NREP: variants seen among roughly 807,000 people sequenced by gnomAD.
NREP encodes the protein neuronal regeneration-related protein.
In NREP, 5 loss-of-function variants were observed where a neutral mutation model predicts 8.6. That is an observed-to-expected ratio of 0.58 (90% CI 0.30 to 1.22). The LOEUF (loss-of-function observed/expected upper bound fraction) is 1.22, where lower values mean the gene tolerates loss of function less well. NREP is among the 50% of genes most tolerant of loss of function. The pLI is 0.07. For synonymous variants in NREP, 27 were observed against 28.0 expected, an observed-to-expected ratio of 0.96 and a Z score of 0.11; for missense variants, 86 against 82.5, an observed-to-expected ratio of 1.04 and a Z score of -0.17.
intron 2 of NREP, among the ~76,000 whole-genome samples, chr5:111,888,570 C>T (rs978833457): frequency 1.3e-5 from 2 of 152,148 alleles, no homozygotes; most frequent in African/African-American, 2.4e-5. Context: ...GTGGGGATTA[C>T]GGAGATTACA....
intron 2 of NREP, among the ~76,000 whole-genome samples, chr5:111,911,088 A>T (rs562112663): frequency 2.0e-5 from 3 of 151,918 alleles, no homozygotes; most frequent in Non-Finnish European, 4.4e-5. Context: ...AGTGATCTCA[A>T]TAACACTCCT....
chr5:111,915,229 A>G (rs1183929590), intron 2 of NREP, among the ~76,000 whole-genome samples: 1 of 151,958 alleles, frequency 6.6e-6, no homozygotes, highest in Non-Finnish European at 1.5e-5. Context: ...GTGAAAGACA[A>G]TGAAAGTCCA....
intron 2 of NREP, among the ~76,000 whole-genome samples, chr5:111,767,818 G>A (rs1044828212): frequency 6.6e-6 from 1 of 151,844 alleles, no homozygotes; most frequent in Non-Finnish European, 1.5e-5. Context: ...GGCTTGTGCC[G>A]CCCTGCCTGG....
intron 2 of NREP, among the ~76,000 whole-genome samples, chr5:111,878,358 A>T (rs560502789): frequency 1.3e-5 from 2 of 152,306 alleles, no homozygotes; most frequent in African/African-American, 4.8e-5. Flanking sequence ...GAAGAAGCAC[A>T]TCTTACATGG....
At chr5:111,751,225 A>G (rs141633705) in intron 2 of NREP, among the ~76,000 whole-genome samples, 17 of 152,244 alleles carry the variant, frequency 1.1e-4, no homozygotes, top group Non-Finnish European at 2.1e-4. Flanking sequence ...AAAGAAATGC[A>G]TATGATCCAA....
chr5:111,855,348 G>T (rs983120220), intron 2 of NREP, among the ~76,000 whole-genome samples: 1 of 152,188 alleles, frequency 6.6e-6, no homozygotes, highest in African/African-American at 2.4e-5. Context: ...TTGTTCTAGG[G>T]ATTATTAGCA....
chr5:111,849,312 G>A (rs1561692839), intron 2 of NREP, among the ~76,000 whole-genome samples: 2 of 152,118 alleles, frequency 1.3e-5, no homozygotes, highest in African/African-American at 4.8e-5. Context: ...AAAAAACACG[G>A]TGTTCCAGTC....
At chr5:111,764,081 G>C (rs1751026565) in intron 2 of NREP, among the ~76,000 whole-genome samples, 1 of 152,160 alleles carries the variant, frequency 6.6e-6, no homozygotes, top group African/African-American at 2.4e-5. Flanking sequence ...ATATAATTTT[G>C]AAGTTAACTT....
intron 2 of NREP, among the ~76,000 whole-genome samples, chr5:111,815,912 C>G (rs1391896092): frequency 6.6e-6 from 1 of 152,086 alleles, no homozygotes; most frequent in Non-Finnish European, 1.5e-5. Context: ...CACATCTAGT[C>G]ACACCGAAGT....
At chr5:111,875,580 C>G (rs1753885288) in intron 2 of NREP, among the ~76,000 whole-genome samples, 1 of 152,168 alleles carries the variant, frequency 6.6e-6, no homozygotes, top group African/African-American at 2.4e-5. Context: ...TATGTATACT[C>G]CCAGTATATC....
At chr5:111,891,959 A>C (rs972903500) in intron 2 of NREP, among the ~76,000 whole-genome samples, 1 of 152,210 alleles carries the variant, frequency 6.6e-6, no homozygotes, top group Non-Finnish European at 1.5e-5. Flanking sequence ...AGTCATTATG[A>C]CAGTAAGGAG....
At chr5:111,855,330 A>C (rs768948141) in intron 2 of NREP, among the ~76,000 whole-genome samples, 4 of 152,214 alleles carry the variant, frequency 2.6e-5, no homozygotes, top group Non-Finnish European at 4.4e-5. Context: ...ATGCTTATAC[A>C]TGATAATTTG....
At chr5:111,765,561 G>A (rs1751061572) in intron 2 of NREP, among the ~76,000 whole-genome samples, 1 of 152,246 alleles carries the variant, frequency 6.6e-6, no homozygotes, top group Non-Finnish European at 1.5e-5. Flanking sequence ...CTGAGGTGGA[G>A]AAAGGTTAAG....
intron 2 of NREP, among the ~76,000 whole-genome samples, chr5:111,865,359 G>A (rs1753641037): frequency 6.6e-6 from 1 of 152,164 alleles, no homozygotes; most frequent in Admixed American, 6.6e-5. Flanking sequence ...AACCAAGTAT[G>A]TCCTTGTTGT....
At chr5:111,741,824 T>TACATACACACAGAC (rs1554095238) in intron 2 of NREP, among the ~76,000 whole-genome samples, 15 of 73,488 alleles carry the variant, frequency 2.0e-4, no homozygotes, top group African/African-American at 6.0e-4. Context: ...AACACACACA[T>TACATACACACAGAC]ACACACACAC....
At chr5:111,910,575 A>G (rs1045152918) in intron 2 of NREP, among the ~76,000 whole-genome samples, 2 of 152,062 alleles carry the variant, frequency 1.3e-5, no homozygotes, top group Admixed American at 1.3e-4. Flanking sequence ...AGATTCAAAA[A>G]AGTCTGAAAG....
intron 2 of NREP, among the ~76,000 whole-genome samples, chr5:111,872,215 C>A (rs1753807559): frequency 6.6e-6 from 1 of 152,052 alleles, no homozygotes; most frequent in South Asian, 2.1e-4. Context: ...CAGAGGCCAG[C>A]ATATCAGGTA....
At chr5:111,771,567 A>T (rs1025156993) in intron 2 of NREP, among the ~76,000 whole-genome samples, 2 of 152,078 alleles carry the variant, frequency 1.3e-5, no homozygotes, top group Admixed American at 6.6e-5. Flanking sequence ...GTTCGAGACC[A>T]GCCTGACCAA....
chr5:111,759,936 TCTGA>T (rs1750922399), upstream of NREP, among the ~76,000 whole-genome samples: 1 of 152,212 alleles, frequency 6.6e-6, no homozygotes, highest in Admixed American at 6.5e-5. Flanking sequence ...GTGACTATAG[TCTGA>T]CTTTCTAACC....
Sources: gnomAD v4.1 joint callset for allele counts (sites outside exome capture counted in the v4.1 genomes callset) on GRCh38, gnomAD v4.1.1 for gene constraint, MANE v1.5 for transcripts, NCBI Gene and HGNC (gene_info 2026-07-23, HGNC 2026-07-21) for gene names.